ZNF100: variants seen among roughly 807,000 people sequenced by gnomAD.
ZNF100 encodes zinc finger protein 100, also known as zinc finger protein 100 (Y1).
A neutral mutation model predicts 15.8 loss-of-function variants in ZNF100; 12 were observed. That is an observed-to-expected ratio of 0.76 (90% CI 0.49 to 1.23). The LOEUF (loss-of-function observed/expected upper bound fraction) is 1.23. Ranked by LOEUF, ZNF100 falls within the 50% of genes most tolerant of loss-of-function variation. The pLI is 0.00. For missense variants in ZNF100, 670 were observed against 635.6 expected (o/e 1.05, Z -0.58); for synonymous variants, 226 against 214.8 (o/e 1.05, Z -0.45).
At chr19:21,764,642 GAA>G (rs538300546) in intron 2 of ZNF100, among the ~76,000 whole-genome samples, 3 of 125,478 alleles carry the variant, frequency 2.4e-5, no homozygotes, top group Admixed American at 1.6e-4. Flanking sequence ...TCCGTGTGGG[GAA>G]AAAAAAAAAA....
chr19:21,727,471 T>C lies in ZNF100; in HGVS notation c.841A>G (p.Ile281Val), dbSNP rs2035825931. The C allele has an allele frequency of 5.0e-6, 8 of 1,613,508 alleles. No homozygotes were observed. The East Asian group carries it at 1.6e-4, about 31-fold the overall frequency. The change falls in exon 5 of 5, where the codon ATA becomes GTA. Residue 281 changes from isoleucine (I) to valine (V), a missense_variant. Physicochemically the swap from Ile to Val is conservative, Grantham distance 29. Transcript: ENST00000358296. ...TATGGTTTCTCTCCAGTATGAATTATCTTATGTGTAGTAAGGTGTGAGGAC... is the reference window on the plus strand; with the variant it reads ...TATGGTTTCTCTCCAGTATGAATTACCTTATGTGTAGTAAGGTGTGAGGAC... ...NRSSHLTTHKIIHTGEKPYRC... is the reference protein window; with the variant it reads ...NRSSHLTTHKVIHTGEKPYRC...
rs1599608764 is a variant in ZNF100 at position 21,723,399 on chromosome 19, T to G, written c.*3284A>C. 1 of 146,450 alleles carries G rather than the reference T, an allele frequency of 6.8e-6. No individual in the cohort carries two copies. Among genetic ancestry groups the G allele is most frequent in the East Asian group, 2.0e-4 (1 of 5,022 alleles). The allele number at this position is 146,450 out of a possible 1,614,324, so 9.1% of individuals were successfully genotyped here. ...AAAAAAAAAACAACCAACTTTCTCGTCAAAATTTACAAAGTACCATGTGAA... is the reference window on the plus strand; with the variant it reads ...AAAAAAAAAACAACCAACTTTCTCGGCAAAATTTACAAAGTACCATGTGAA... On this transcript the variant is annotated 3_prime_UTR_variant, in exon 5 of 5. Coordinates refer to ENST00000358296, the MANE Select transcript of ZNF100 (RefSeq NM_173531.4).
At chr19:21,730,832 A>G (rs2035904103) in intron 4 of ZNF100, among the ~76,000 whole-genome samples, 1 of 150,982 alleles carries the variant, frequency 6.6e-6, no homozygotes, top group African/African-American at 2.4e-5. Context: ...GTATAAAACA[A>G]TAATAGAAAA....
At chr19:21,729,757 A>G (rs2145686811) in intron 4 of ZNF100, among the ~76,000 whole-genome samples, 1 of 152,198 alleles carries the variant, frequency 6.6e-6, no homozygotes, top group African/African-American at 2.4e-5. Context: ...CTAAAATTTG[A>G]AAGTGAAAAT....
chr19:21,748,548 A>C (rs2036250195), intron 2 of ZNF100, among the ~76,000 whole-genome samples: 2 of 152,218 alleles, frequency 1.3e-5, no homozygotes, highest in Non-Finnish European at 2.9e-5. Context: ...TGACTCTTTT[A>C]AAGTTTTCTG....
chr19:21,752,477 C>T (rs1365382986), intron 2 of ZNF100: 3 of 152,544 alleles, frequency 2.0e-5, no homozygotes. Context: ...CATTTTAAAC[C>T]AAAAAGCTGA....
chr19:21,727,424 T>C lies in ZNF100; in HGVS notation c.888A>G (p.Lys296=), dbSNP rs1433102757. ...EKPYRCEECG[K]AFNRSSHLTT... ...TAAGGTGTGAAGACCGGTTAAAAGC[T>C]TTCCCACATTCTTCACATCTGTATG... is the stretch of plus-strand genomic sequence containing the variant. Residue 296 remains lysine, a synonymous_variant, in exon 5 of 5, where the codon AAA becomes AAG. Coordinates refer to ENST00000358296, the MANE Select transcript of ZNF100 (RefSeq NM_173531.4). 1 of 1,613,060 alleles carries C rather than the reference T, an allele frequency of 6.2e-7. No individual in the cohort carries two copies. Among genetic ancestry groups the C allele is most frequent in the Non-Finnish European group, 8.5e-7 (1 of 1,179,720 alleles).
chr19:21,747,227 C>G (rs115388178), intron 2 of ZNF100, among the ~76,000 whole-genome samples: 1 of 152,208 alleles, frequency 6.6e-6, no homozygotes, highest in Non-Finnish European at 1.5e-5. Flanking sequence ...ACTTAACTCT[C>G]ATGAATGTAT....
At chr19:21,754,888 T>C (rs962290859) in intron 2 of ZNF100, among the ~76,000 whole-genome samples, 1 of 152,150 alleles carries the variant, frequency 6.6e-6, no homozygotes, top group Non-Finnish European at 1.5e-5. Flanking sequence ...TTTTGCAACC[T>C]ACCCATCTGA....
In ZNF100 at chr19:21,758,132, T is replaced by C. The variant is rs543065900; in HGVS notation, c.96+7562A>G. On this transcript the variant is annotated intron_variant, in intron 2 of 4. Coordinates refer to ENST00000358296, the MANE Select transcript of ZNF100 (RefSeq NM_173531.4). ...AAAACAAACACCACCAAGATAAAGA[T>C]CTCTGCAGCAACACGGATGGCGCTG... is the stretch of plus-strand genomic sequence containing the variant. 2.6e-5 allele frequency among the ~76,000 whole-genome samples: 4 copies of C among 151,416 alleles called. No individual in the cohort carries two copies. In the East Asian group the frequency reaches 7.8e-4, roughly 29 times the overall value.
intron 2 of ZNF100, chr19:21,752,631 C>T (rs2036327554): frequency 2.0e-5 from 3 of 152,454 alleles, no homozygotes; most frequent in South Asian, 4.1e-4. Context: ...ATAAATGGTA[C>T]TTCTCATTTT....
intron 4 of ZNF100, among the ~76,000 whole-genome samples, chr19:21,741,818 T>C (rs1335263803): frequency 2.0e-5 from 3 of 152,210 alleles, no homozygotes; most frequent in South Asian, 2.1e-4. Context: ...CTGAAACCAC[T>C]TGTGCATACC....
intron 2 of ZNF100, among the ~76,000 whole-genome samples, chr19:21,761,358 T>C (rs569770734): frequency 1.8e-4 from 27 of 152,248 alleles, no homozygotes; most frequent in Non-Finnish European, 3.2e-4. Flanking sequence ...GAAACTGTTT[T>C]CTTTTACAAC....
chr19:21,742,278 C>A (rs1232835521), intron 4 of ZNF100, among the ~76,000 whole-genome samples: 3 of 132,348 alleles, frequency 2.3e-5, no homozygotes, highest in Admixed American at 8.5e-5. Flanking sequence ...GCCTCGGCGA[C>A]AGAGCAAGAC....
At chr19:21,750,692 CGCGGGGTGGGCGGGTGAACTGCCA>C (rs1246799065) in intron 2 of ZNF100, 1 of 247,758 alleles carries the variant, frequency 4.0e-6, no homozygotes, top group Admixed American at 5.5e-5. Flanking sequence ...CGGGGCGGGT[CGCGGGGTGGGCGGGTGAACTGCCA>C]GCGAGGAGGC....
Position 21,724,224 on chromosome 19 carries a change from TTTTA to T in ZNF100, c.*2455_*2458del, listed in dbSNP as rs1256965526. On this transcript the variant is annotated 3_prime_UTR_variant, in exon 5 of 5. Coordinates refer to ENST00000358296, the MANE Select transcript of ZNF100 (RefSeq NM_173531.4). ...CATTTTCTTTTAGCATTTTTGAGGC[TTTTA>T]GTTTTCTAGTAGTCATCTTGTTAAA... The T allele has an allele frequency of 5.9e-5, 9 of 152,176 alleles. No individual in the cohort carries two copies. Among genetic ancestry groups the T allele is most frequent in the African/African-American group, 1.9e-4 (8 of 41,438 alleles). The allele number at this position is 152,176 out of a possible 1,614,324, so 9.4% of individuals were successfully genotyped here.
rs999644281 is a variant in ZNF100, at chr19:21,757,153, A to C, written c.96+8541T>G. On this transcript the variant is annotated intron_variant, in intron 2 of 4. Coordinates refer to ENST00000358296, the MANE Select transcript of ZNF100 (RefSeq NM_173531.4). ...CCCTGTCTCCACTAAAAATACAAAA[A>C]TTAGCTGGGCAAGGTGGCACATGCC... is the stretch of plus-strand genomic sequence containing the variant. Among the ~76,000 whole-genome samples, 7 of 152,232 alleles carry C rather than the reference A, an allele frequency of 4.6e-5. No homozygotes were observed. The East Asian group carries it at 1.3e-3, about 29-fold the overall frequency.
At position 21,727,746 on chromosome 19, in the gene ZNF100, AATGT is replaced by A. The variant is rs2035836225; in HGVS notation, c.562_565del (p.Thr188PhefsTer9). ...TATCTTATGTCTGTTTGAATTTGAA[AATGT>A]ATGAAAGACTTTTGCAGATGGATCA... On this transcript the variant is annotated frameshift_variant, in exon 5 of 5. Transcript: ENST00000358296. LOFTEE classifies it low-confidence loss of function (END_TRUNC). 1 of 1,613,784 alleles carries A rather than the reference AATGT, an allele frequency of 6.2e-7. No homozygotes were observed. The highest frequency in any genetic ancestry group is 1.7e-5 in the Admixed American group (1 of 60,004).
Position 21,724,951 on chromosome 19 carries a change from T to G in ZNF100, c.*1732A>C, listed in dbSNP as rs2035749989. On this transcript the variant is annotated 3_prime_UTR_variant, in exon 5 of 5. Transcript: ENST00000358296. ...CTGTAATCCCAGCTACTTAGGAGGC[T>G]GAGGCAGGAGAATTGCGTGAACCCA... is the stretch of plus-strand genomic sequence containing the variant. The G allele has an allele frequency of 6.6e-6, 1 of 152,278 alleles. No individual in the cohort carries two copies. Among genetic ancestry groups the G allele is most frequent in the African/African-American group, 2.4e-5 (1 of 41,514 alleles). 9.4% of individuals were successfully genotyped at this position (152,278 alleles called of 1,614,324 possible).
Sources: allele counts gnomAD v4.1 joint callset (sites outside exome capture counted in the v4.1 genomes callset), GRCh38; gene constraint gnomAD v4.1.1; transcripts MANE v1.5; gene names NCBI Gene and HGNC (gene_info 2026-07-23, HGNC 2026-07-21).